ARHGEF10: variants seen among roughly 807,000 people sequenced by gnomAD.
ARHGEF10 encodes Rho guanine nucleotide exchange factor (GEF) 10.
A neutral mutation model predicts 147.4 loss-of-function variants in ARHGEF10; 140 were observed. The observed-to-expected ratio is 0.95, with a 90% CI of 0.83 to 1.09. ARHGEF10 has a LOEUF of 1.09. Ranked by LOEUF, ARHGEF10 falls within the 50% of genes least tolerant of loss-of-function variation. The pLI, the probability that ARHGEF10 is intolerant of heterozygous loss-of-function variation, is 0.00. For synonymous variants in ARHGEF10, 902 were observed against 695.8 expected, an observed-to-expected ratio of 1.30 and a Z score of -4.67; for missense variants, 2,222 against 1,752.7, an observed-to-expected ratio of 1.27 and a Z score of -4.78.
At chr8:1,842,325 C>T (rs1340782735) in intron 1 of ARHGEF10, among the ~76,000 whole-genome samples, 1 of 152,170 alleles carries the variant, frequency 6.6e-6, no homozygotes, top group Non-Finnish European at 1.5e-5. Flanking sequence ...AGTGCCAGAG[C>T]CAGTGGCCAG....
intron 11 of ARHGEF10, among the ~76,000 whole-genome samples, chr8:1,889,432 TC>T (rs2129144525): frequency 2.2e-5 from 1 of 45,310 alleles, no homozygotes; most frequent in African/African-American, 1.3e-4. Context: ...GGGTGAGGGG[TC>T]TGTGAGGAGA....
chr8:1,957,676 A>C lies in ARHGEF10; in HGVS notation c.*413A>C. 1 of 166,320 alleles carries C rather than the reference A, an allele frequency of 6.0e-6. No individual in the cohort carries two copies. The highest frequency in any genetic ancestry group is 1.3e-5 in the Non-Finnish European group (1 of 77,458). The allele number at this position is 166,320 out of a possible 1,614,324, so 10.3% of individuals were successfully genotyped here. On this transcript the variant is annotated 3_prime_UTR_variant, in exon 29 of 29. Coordinates refer to ENST00000349830, the MANE Select transcript of ARHGEF10 (RefSeq NM_014629.4). ...GTATTCAGTAGTGCAGGCATTTATT[A>C]ACAATTCTTAAAAGTTTTACCTGAT... is the stretch of plus-strand genomic sequence containing the variant.
chr8:1,926,704 AAAGTT>A, intron 23 of ARHGEF10: 1 of 576,242 alleles, frequency 1.7e-6, no homozygotes, highest in Non-Finnish European at 3.1e-6. Context: ...TTTACCAGAT[AAAGTT>A]GAGTCCAGAG....
rs146766107 is a variant in ARHGEF10, at chr8:1,923,582, G to A, written c.2374G>A (p.Gly792Arg). ...DCCRIQLQLP[G>R]KQDKSGRPTF... ...CTGCAGAATTCAGTTACAGCTTCCCGGGAAGCAGGACAAGTTAGTAGTAGC... is the reference window on the plus strand; with the variant it reads ...CTGCAGAATTCAGTTACAGCTTCCCAGGAAGCAGGACAAGTTAGTAGTAGC... The change falls in exon 20 of 29, where the codon GGG becomes AGG. Residue 792 changes from glycine to arginine, a missense_variant. Physicochemically the swap from Gly to Arg is moderately radical, Grantham distance 125. Coordinates refer to ENST00000349830, the MANE Select transcript of ARHGEF10 (RefSeq NM_014629.4). 3.3e-5 allele frequency: 54 copies of A among 1,614,062 alleles called. No homozygotes were observed. The highest frequency in any genetic ancestry group is 2.0e-4 in the East Asian group (9 of 44,890).
At chr8:1,857,925 T>G in intron 2 of ARHGEF10, 35 bp from the exon 3 acceptor site, 5 of 1,516,486 alleles carry the variant, frequency 3.3e-6, no homozygotes, top group Non-Finnish European at 4.6e-6. Flanking sequence ...TATCTATCTA[T>G]CTCTCCTTGA....
chr8:1,925,409 A>C lies in ARHGEF10; in HGVS notation c.2610+5A>C. ...GCCAAGCAGCAGGAGTTCAAGGTGA[A>C]GGGAGGCAGGGCCCGCGGCCCGGGG... is the stretch of plus-strand genomic sequence containing the variant. On this transcript the variant is annotated splice_donor_5th_base_variant and intron_variant, in intron 22 of 28. Coordinates refer to ENST00000349830, the MANE Select transcript of ARHGEF10 (RefSeq NM_014629.4). 1 of 1,613,900 alleles carries C rather than the reference A, an allele frequency of 6.2e-7. No individual in the cohort carries two copies. Among genetic ancestry groups the C allele is most frequent in the Non-Finnish European group, 8.5e-7 (1 of 1,179,984 alleles).
chr8:1,834,434 C>A (rs963639839), intron 1 of ARHGEF10, among the ~76,000 whole-genome samples: 1 of 151,934 alleles, frequency 6.6e-6, no homozygotes, highest in Non-Finnish European at 1.5e-5. Flanking sequence ...CAGGGAGGAC[C>A]CTGGAGAGAG....
rs201912073 is a variant in ARHGEF10, at chr8:1,896,420, A to G, written c.1528A>G (p.Thr510Ala). Residue 510 changes from threonine (T) to alanine (A), a missense_variant, in exon 14 of 29, where the codon ACA becomes GCA. Coordinates refer to ENST00000349830, the MANE Select transcript of ARHGEF10 (RefSeq NM_014629.4). ...GGCAGTCCTCAAGAAAACATGTGCC[A>G]CAAAGCCCGCTTTTCTTGAATTTTT... is the stretch of plus-strand genomic sequence containing the variant. Reference protein sequence around the residue: ...AVAVLKKTCATKPAFLEFLKQ... With the variant: ...AVAVLKKTCAAKPAFLEFLKQ... The G allele has an allele frequency of 3.0e-4, 489 of 1,613,840 alleles. 1 individual carries two copies. The highest frequency in any genetic ancestry group is 2.5e-3 in the Middle Eastern group (15 of 6,062).
intron 17 of ARHGEF10, among the ~76,000 whole-genome samples, chr8:1,906,442 C>T (rs564895243): frequency 6.6e-5 from 10 of 152,274 alleles, no homozygotes; most frequent in South Asian, 2.1e-4. Context: ...TTGCCCAACA[C>T]GATGTGTTAG....
At chr8:1,826,800 C>T (rs1802797965) in intron 1 of ARHGEF10, among the ~76,000 whole-genome samples, 1 of 152,208 alleles carries the variant, frequency 6.6e-6, no homozygotes, top group Non-Finnish European at 1.5e-5. Context: ...TGGAGATGCT[C>T]AGAGAATCTG....
In ARHGEF10 at chr8:1,928,561, C is replaced by G. The variant is rs1341018132; in HGVS notation, c.2832C>G (p.Arg944=). 4 of 1,614,090 alleles carry G rather than the reference C, an allele frequency of 2.5e-6. No homozygotes were observed. The highest frequency in any genetic ancestry group is 3.4e-6 in the Non-Finnish European group (4 of 1,180,056). The change falls in exon 24 of 29, where the codon CGC becomes CGG. Residue 944 remains arginine, a synonymous_variant. Coordinates refer to ENST00000349830, the MANE Select transcript of ARHGEF10 (RefSeq NM_014629.4). ...CMLYVPVEEK[R]REPGAPPDPE... is the part of the protein sequence containing the mutation. ...TGTACGTTCCCGTCGAGGAGAAGCG[C>G]AGAGAGCCTGGGGCACCCCCGGACC... is the stretch of plus-strand genomic sequence containing the variant.
intron 27 of ARHGEF10, among the ~76,000 whole-genome samples, chr8:1,947,838 T>C (rs1814720894): frequency 7.1e-6 from 1 of 140,464 alleles, no homozygotes; most frequent in South Asian, 2.4e-4. Flanking sequence ...GTATGGCAGG[T>C]TCTTGATGCT....
intron 25 of ARHGEF10, among the ~76,000 whole-genome samples, chr8:1,933,388 T>A (rs1251062397): frequency 6.6e-6 from 1 of 152,138 alleles, no homozygotes; most frequent in Non-Finnish European, 1.5e-5. Flanking sequence ...TGAATACCTG[T>A]GTGCTGGGTA....
At chr8:1,863,104 AGGCAGTGT>A (rs1344010396) in intron 4 of ARHGEF10, among the ~76,000 whole-genome samples, 1 of 152,022 alleles carries the variant, frequency 6.6e-6, no homozygotes, top group African/African-American at 2.4e-5. Flanking sequence ...TGTTTCTTTG[AGGCAGTGT>A]GGCAGTGTGG....
chr8:1,888,179 G>GTGGTGA (rs1808904227), intron 11 of ARHGEF10, among the ~76,000 whole-genome samples: 13 of 66,458 alleles, frequency 2.0e-4, no homozygotes, highest in East Asian at 7.6e-4. Context: ...GACAGTGAGT[G>GTGGTGA]GGGTGAGGGT....
rs1815715214 is a variant in ARHGEF10, at chr8:1,958,056, C to G, written c.*793C>G. The G allele has an allele frequency of 6.6e-6, 1 of 152,238 alleles. No homozygotes were observed. Among genetic ancestry groups the G allele is most frequent in the African/African-American group, 2.4e-5 (1 of 41,454 alleles). The allele number at this position is 152,238 out of a possible 1,614,324, so 9.4% of individuals were successfully genotyped here. On this transcript the variant is annotated 3_prime_UTR_variant, in exon 29 of 29. Transcript: ENST00000349830. ...CTTCTCGTATAAATAGAGTGACTAT[C>G]CACAGGAGAAAAGTGTGTGCTTTAG... is the stretch of plus-strand genomic sequence containing the variant.
rs1803303204 is a variant in ARHGEF10, at chr8:1,832,994, GC to G, written c.-48+8882del. On this transcript the variant is annotated intron_variant, in intron 1 of 28. Coordinates refer to ENST00000349830, the MANE Select transcript of ARHGEF10 (RefSeq NM_014629.4). ...GAGGCAGAGAGAGACAGAGACAGAG[GC>G]AGAGACAGGCAGAGAGAGACAGAGG... is the stretch of plus-strand genomic sequence containing the variant. Among the ~76,000 whole-genome samples, 7 of 9,728 alleles carry G rather than the reference GC, an allele frequency of 7.2e-4. 2 individuals carry two copies. The highest frequency in any genetic ancestry group is 1.3e-3 in the Admixed American group (1 of 800). The allele number at this position is 9,728 out of a possible 152,430, so 6.4% of individuals were successfully genotyped here. A position where few individuals can be genotyped will look rare whatever the true frequency, so the allele number is the denominator to read the frequency against.
At chr8:1,852,842 C>T (rs1375470161) in intron 2 of ARHGEF10, among the ~76,000 whole-genome samples, 1 of 152,218 alleles carries the variant, frequency 6.6e-6, no homozygotes, top group Non-Finnish European at 1.5e-5. Flanking sequence ...CGGAAACAGT[C>T]TGAATCCTGA....
intron 4 of ARHGEF10, 54 bp downstream of exon 4, chr8:1,860,238 C>G (rs1805991988): frequency 6.3e-7 from 1 of 1,595,618 alleles, no homozygotes; most frequent in Non-Finnish European, 8.5e-7. Context: ...TCCCTCCTCT[C>G]CACGCCCCCG....
Sources: gnomAD v4.1 joint callset for allele counts (sites outside exome capture counted in the v4.1 genomes callset) on GRCh38, gnomAD v4.1.1 for gene constraint, MANE v1.5 for transcripts, NCBI Gene and HGNC (gene_info 2026-07-23, HGNC 2026-07-21) for gene names.